Variants in FANCI observed in about 807,000 individuals in gnomAD.
The protein encoded by FANCI is FA complementation group I.
Under a neutral mutation model 176.1 loss-of-function variants are expected in FANCI, and 156 were observed. The ratio of observed to expected loss-of-function variants is 0.89; its 90% CI spans 0.78 to 1.01. FANCI has a LOEUF of 1.01. Among genes scored for constraint, FANCI ranks in the 50% least tolerant of loss-of-function variants. The pLI is 0.00. For missense variants in FANCI, 1,678 were observed against 1,534.1 expected (o/e 1.09, Z -1.57); for synonymous variants, 613 against 541.7 (o/e 1.13, Z -1.83).
chr15:89,274,125 T>G lies in FANCI; in HGVS notation c.976-43T>G. On this transcript the variant is annotated intron_variant, in intron 11 of 37. Coordinates refer to ENST00000310775, the MANE Select transcript of FANCI (RefSeq NM_001113378.2). ...TCATTCTGTTAGGTGCTTGATCTTTTATTTATTTATTTTTTCATTTATTTT... is the reference window on the plus strand; with the variant it reads ...TCATTCTGTTAGGTGCTTGATCTTTGATTTATTTATTTTTTCATTTATTTT... The G allele has an allele frequency of 1.4e-6, 2 of 1,397,002 alleles. 1 individual carries two copies. The highest frequency in any genetic ancestry group is 2.0e-6 in the Non-Finnish European group (2 of 1,019,218). 86.5% of individuals were successfully genotyped at this position (1,397,002 alleles called of 1,614,324 possible).
At chr15:89,274,147 T>G in intron 11 of FANCI, 21 bp from the exon 12 acceptor site, 1 of 1,509,300 alleles carries the variant, frequency 6.6e-7, no homozygotes, top group Non-Finnish European at 9.0e-7. Context: ...TTTTCATTTA[T>G]TTTTATTAAC....
At chr15:89,260,681 T>C (rs745520257) in intron 3 of FANCI, 32 bp from the exon 4 acceptor site, 10 of 1,611,720 alleles carry the variant, frequency 6.2e-6, no homozygotes, top group Non-Finnish European at 7.6e-6. Context: ...GTTGTAAGAC[T>C]TGTTTCTGAA....
chr15:89,263,446 C>G lies in FANCI; in HGVS notation c.531C>G (p.Leu177=), dbSNP rs749195009. 2.5e-6 allele frequency: 4 copies of G among 1,612,780 alleles called. No homozygotes were observed. Among genetic ancestry groups the G allele is most frequent in the South Asian group, 2.2e-5 (2 of 91,052 alleles). The change falls in exon 7 of 38, where the codon CTC becomes CTG. Residue 177 remains leucine, a synonymous_variant. Coordinates refer to ENST00000310775, the MANE Select transcript of FANCI (RefSeq NM_001113378.2). ...GRWDQQYVIQ[L]TSMFKDVPLT... is the part of the protein sequence containing the mutation. ...GGGATCAGCAATATGTAATCCAACTCACCTCCATGTTCAAGTAAGCATCAT... is the reference window on the plus strand; with the variant it reads ...GGGATCAGCAATATGTAATCCAACTGACCTCCATGTTCAAGTAAGCATCAT...
At chr15:89,265,998 CTTTTTTT>C (rs34447883) in intron 9 of FANCI, among the ~76,000 whole-genome samples, 3 of 132,036 alleles carry the variant, frequency 2.3e-5, no homozygotes, top group African/African-American at 5.6e-5. Flanking sequence ...TTTCTTATTT[CTTTTTTT>C]TTTTTTTTTT....
chr15:89,293,923 T>C lies in FANCI; in HGVS notation c.2382T>C (p.Thr794=). The C allele has an allele frequency of 3.7e-6, 6 of 1,614,092 alleles. No individual in the cohort carries two copies. The highest frequency in any genetic ancestry group is 5.1e-6 in the Non-Finnish European group (6 of 1,180,002). Residue 794 remains threonine (T), a synonymous_variant, in exon 23 of 38, where the codon ACT becomes ACC. Transcript: ENST00000310775. ...ATGAAAAAGCGGGTAAAGCCAAAAC[T>C]AAAATGGCCAACAAGACAAGTGATA... ...ILNEKAGKAK[T]KMANKTSDSL... is the part of the protein sequence containing the mutation.
chr15:89,253,523 A>ATAAG (rs1324745548), intron 2 of FANCI, among the ~76,000 whole-genome samples: 5 of 57,080 alleles, frequency 8.8e-5, no homozygotes, highest in Non-Finnish European at 1.6e-4. Flanking sequence ...AAATAAATAA[A>ATAAG]TAAATAAATA....
chr15:89,265,115 T>C (rs1028410817), intron 9 of FANCI, among the ~76,000 whole-genome samples: 2 of 152,186 alleles, frequency 1.3e-5, no homozygotes, highest in Admixed American at 6.5e-5. Context: ...CCATAATATA[T>C]AGATCAGAGA....
chr15:89,312,028 C>T (rs2054984851), intron 34 of FANCI, among the ~76,000 whole-genome samples: 1 of 152,176 alleles, frequency 6.6e-6, no homozygotes, highest in East Asian at 1.9e-4. Flanking sequence ...CAATAATTTA[C>T]AACACAGGGA....
At chr15:89,282,000 C>T in intron 16 of FANCI, 165 bp downstream of exon 16, 2 of 652,192 alleles carry the variant, frequency 3.1e-6, no homozygotes, top group Non-Finnish European at 5.5e-6. Context: ...GCTTTATGTG[C>T]TTTTTTCATT....
At chr15:89,314,081 G>A (rs1262885946) in intron 35 of FANCI, among the ~76,000 whole-genome samples, 2 of 147,018 alleles carry the variant, frequency 1.4e-5, no homozygotes, top group African/African-American at 5.2e-5. Context: ...ACACACAAAT[G>A]TAGGACCTAC....
chr15:89,258,132 C>T (rs180930561), intron 2 of FANCI, among the ~76,000 whole-genome samples: 2 of 151,902 alleles, frequency 1.3e-5, no homozygotes, highest in African/African-American at 2.4e-5. Context: ...GCTTCTTGGA[C>T]ATTGCACGTG....
At chr15:89,254,578 A>T (rs921418590) in intron 2 of FANCI, among the ~76,000 whole-genome samples, 7 of 152,090 alleles carry the variant, frequency 4.6e-5, no homozygotes, top group African/African-American at 1.7e-4. Flanking sequence ...TCGAGGACGG[A>T]GGATCACTTG....
At chr15:89,310,393 A>ATT (rs931070167) in intron 34 of FANCI, among the ~76,000 whole-genome samples, 3 of 152,088 alleles carry the variant, frequency 2.0e-5, no homozygotes, top group African/African-American at 7.2e-5. Context: ...GAAGGTTTTG[A>ATT]TTTTCGTGTT....
chr15:89,285,510 C>G (rs996473914), intron 18 of FANCI, among the ~76,000 whole-genome samples: 2 of 152,092 alleles, frequency 1.3e-5, no homozygotes, highest in Admixed American at 1.3e-4. Flanking sequence ...GCCCGTGGTC[C>G]CAGCTACTCA....
Position 89,292,712 on chromosome 15 carries a change from C to T in FANCI, c.2017C>T (p.His673Tyr), listed in dbSNP as rs763866498. 18 of 1,613,642 alleles carry T rather than the reference C, an allele frequency of 1.1e-5. No homozygotes were observed. Among genetic ancestry groups the T allele is most frequent in the East Asian group, 2.2e-5 (1 of 44,874 alleles). Residue 673 changes from histidine to tyrosine, a missense_variant, in exon 21 of 38, where the codon CAT becomes TAT. Coordinates refer to ENST00000310775, the MANE Select transcript of FANCI (RefSeq NM_001113378.2). ...GGATTATCTGCTGTGTTGTATTCAG[C>T]ATTGTTTGGCCTGGTATAAGAATAC... is the stretch of plus-strand genomic sequence containing the variant. ...PLDYLLCCIQ[H>Y]CLAWYKNTVI... is the part of the protein sequence containing the mutation.
chr15:89,313,485 C>T (rs1159967580), intron 35 of FANCI, among the ~76,000 whole-genome samples: 1 of 152,132 alleles, frequency 6.6e-6, no homozygotes, highest in Non-Finnish European at 1.5e-5. Context: ...TTACGATACT[C>T]AATTGGGAGA....
chr15:89,298,473 C>T (rs1222086429), intron 24 of FANCI, among the ~76,000 whole-genome samples: 1 of 152,138 alleles, frequency 6.6e-6, no homozygotes, highest in Non-Finnish European at 1.5e-5. Context: ...AGATATGATC[C>T]AGCCAAAGTG....
At position 89,274,167 on chromosome 15, in the gene FANCI, G is replaced by T. The variant is rs1325973604; in HGVS notation, c.976-1G>T. 2 of 1,552,256 alleles carry T rather than the reference G, an allele frequency of 1.3e-6. No homozygotes were observed. The highest frequency in any genetic ancestry group is 1.7e-6 in the Non-Finnish European group (2 of 1,146,048). ...ATTTATTTTTATTAACTATACTCAA[G>T]GTGCTTGATCTTTTAAAGACTTCGG... On this transcript the variant is annotated splice_acceptor_variant, in intron 11 of 37. Coordinates refer to ENST00000310775, the MANE Select transcript of FANCI (RefSeq NM_001113378.2). LOFTEE classifies it high-confidence loss of function.
chr15:89,307,756 A>G (rs2054782473), intron 34 of FANCI, 84 bp downstream of exon 34: 3 of 1,609,956 alleles, frequency 1.9e-6, no homozygotes, highest in Non-Finnish European at 2.5e-6. Flanking sequence ...ACCTGAACTG[A>G]GCATATATAA....
Sources: allele counts gnomAD v4.1 joint callset (sites outside exome capture counted in the v4.1 genomes callset), GRCh38; gene constraint gnomAD v4.1.1; transcripts MANE v1.5; gene names NCBI Gene and HGNC (gene_info 2026-07-23, HGNC 2026-07-21).